TSPEAR: variants seen among roughly 807,000 people sequenced by gnomAD.
TSPEAR encodes the protein thrombospondin type laminin G domain and EAR repeats.
TSPEAR carries 69 observed loss-of-function variants against 71.6 expected under a neutral mutation model. The observed-to-expected ratio is 0.96, with a 90% CI of 0.79 to 1.18. TSPEAR has a LOEUF of 1.18. Ranked by LOEUF, TSPEAR falls within the 50% of genes most tolerant of loss-of-function variation. TSPEAR has a pLI of 0.00. For missense variants in TSPEAR, 971 were observed against 894.9 expected, an observed-to-expected ratio of 1.09 and a Z score of -1.09; for synonymous variants, 402 against 387.2, an observed-to-expected ratio of 1.04 and a Z score of -0.45.
intron 1 of TSPEAR, chr21:44,654,600 G>C: frequency 6.4e-7 from 1 of 1,573,048 alleles, no homozygotes; most frequent in Non-Finnish European, 8.6e-7. Context: ...CCGAAGAGTG[G>C]CTGGTGTGGC....
At chr21:44,597,750 G>T (rs587608674) in intron 1 of TSPEAR, among the ~76,000 whole-genome samples, 1 of 152,142 alleles carries the variant, frequency 6.6e-6, no homozygotes, top group Admixed American at 6.5e-5. Context: ...CTTGTATTCA[G>T]GCTCTGTATC....
intron 1 of TSPEAR, among the ~76,000 whole-genome samples, chr21:44,664,149 G>C (rs190734310): frequency 6.6e-6 from 1 of 152,038 alleles, no homozygotes; most frequent in Middle Eastern, 3.2e-3. Context: ...AAATAACACA[G>C]TCTCTATTAA....
intron 1 of TSPEAR, among the ~76,000 whole-genome samples, chr21:44,707,344 G>T (rs1203557029): frequency 6.6e-6 from 1 of 152,188 alleles, no homozygotes; most frequent in Non-Finnish European, 1.5e-5. Context: ...TCGGAAGGGT[G>T]AGGGGTAGTG....
chr21:44,575,743 A>C (rs1555923896), intron 1 of TSPEAR, among the ~76,000 whole-genome samples: 1 of 152,258 alleles, frequency 6.6e-6, no homozygotes, highest in African/African-American at 2.4e-5. Context: ...GTCTTCATCG[A>C]CATTGCCTAA....
intron 2 of TSPEAR, among the ~76,000 whole-genome samples, chr21:44,537,430 T>A (rs1201502508): frequency 6.6e-6 from 1 of 152,164 alleles, no homozygotes; most frequent in Admixed American, 6.5e-5. Context: ...ATAACATGGA[T>A]AAAACAGCTG....
chr21:44,541,925 C>T (rs1252992874), intron 2 of TSPEAR, among the ~76,000 whole-genome samples: 4 of 152,148 alleles, frequency 2.6e-5, no homozygotes, highest in African/African-American at 9.7e-5. Context: ...TAAAGTCCTT[C>T]ATGCAGTCAA....
At chr21:44,680,629 G>A (rs1025456498) in intron 1 of TSPEAR, among the ~76,000 whole-genome samples, 3 of 152,160 alleles carry the variant, frequency 2.0e-5, no homozygotes, top group Non-Finnish European at 4.4e-5. Context: ...CCAAGATACA[G>A]ATTCAACCTA....
intron 2 of TSPEAR, chr21:44,551,451 G>A: frequency 1.9e-6 from 3 of 1,609,690 alleles, no homozygotes; most frequent in Non-Finnish European, 2.5e-6. Context: ...CATGGTGGAG[G>A]CGGCCATGCT....
At position 44,573,412 on chromosome 21, in the gene TSPEAR, C is replaced by T. The variant is rs372338693; in HGVS notation, c.83-5407G>A. Among the ~76,000 whole-genome samples, 15 of 152,222 alleles carry T rather than the reference C, an allele frequency of 9.9e-5. No homozygotes were observed. In the East Asian group the frequency reaches 1.7e-3, roughly 18 times the overall value. ...CCCACTCCCCATAGCCCGGCACACA[C>T]GTGGACCATGCCACCCTCCACGTGC... is the stretch of plus-strand genomic sequence containing the variant. On this transcript the variant is annotated intron_variant, in intron 1 of 11. Coordinates refer to ENST00000323084, the MANE Select transcript of TSPEAR (RefSeq NM_144991.3).
chr21:44,674,061 G>C (rs1320679367), intron 1 of TSPEAR, among the ~76,000 whole-genome samples: 2 of 150,130 alleles, frequency 1.3e-5, no homozygotes, highest in African/African-American at 4.9e-5. Flanking sequence ...GAGGTGAGAT[G>C]ATCACTTGAG....
chr21:44,582,823 TTTTCTTCCTTCTTTC>T (rs375304838), intron 1 of TSPEAR, among the ~76,000 whole-genome samples: 4 of 129,566 alleles, frequency 3.1e-5, no homozygotes, highest in Non-Finnish European at 6.4e-5. Flanking sequence ...TCTTTCTTTC[TTTTCTTCCTTCTTTC>T]TTTCTTTTCT....
chr21:44,500,977 A>G (rs1426585126), intron 11 of TSPEAR, among the ~76,000 whole-genome samples: 1 of 152,218 alleles, frequency 6.6e-6, no homozygotes, highest in Non-Finnish European at 1.5e-5. Flanking sequence ...CTGAGGTTAT[A>G]CAACTGCCTT....
In TSPEAR at chr21:44,672,598, G is replaced by A. The variant is rs1986115108; in HGVS notation, c.82+38835C>T. Reference sequence around the variant, plus strand: ...ACAAAAAAAAAAGAAAACCTATTTAGCAAAATGATAGGTGAAAATTTCCCT... The same window carrying A: ...ACAAAAAAAAAAGAAAACCTATTTAACAAAATGATAGGTGAAAATTTCCCT... On this transcript the variant is annotated intron_variant, in intron 1 of 11. Transcript: ENST00000323084. 2.0e-5 allele frequency among the ~76,000 whole-genome samples: 3 copies of A among 152,024 alleles called. No individual in the cohort carries two copies. In the South Asian group the frequency reaches 6.2e-4, roughly 32 times the overall value.
chr21:44,678,046 G>C (rs1196504028), intron 1 of TSPEAR: 2 of 737,808 alleles, frequency 2.7e-6, no homozygotes, highest in Admixed American at 4.1e-5. Context: ...ACAACTCTGG[G>C]CCACAGCGGT....
chr21:44,568,882 T>TC (rs1555922145), intron 1 of TSPEAR, among the ~76,000 whole-genome samples: 1 of 152,120 alleles, frequency 6.6e-6, no homozygotes, highest in African/African-American at 2.4e-5. Context: ...GGGTGTTGGG[T>TC]CAGTCCACTC....
At chr21:44,706,287 AGCTGTGT>A (rs1303371611) in intron 1 of TSPEAR, among the ~76,000 whole-genome samples, 2 of 152,214 alleles carry the variant, frequency 1.3e-5, no homozygotes, top group African/African-American at 4.8e-5. Flanking sequence ...TCTTCCGCGC[AGCTGTGT>A]GTACACGCAT....
intron 1 of TSPEAR, among the ~76,000 whole-genome samples, chr21:44,667,997 ATTGGGAACAAAGC>A (rs1325121020): frequency 1.3e-5 from 2 of 152,224 alleles, no homozygotes; most frequent in African/African-American, 4.8e-5. Flanking sequence ...TTTCTCTAAT[ATTGGGAACAAAGC>A]CAGCATAGTA....
intron 1 of TSPEAR, among the ~76,000 whole-genome samples, chr21:44,649,746 C>T (rs1984662758): frequency 6.6e-6 from 1 of 152,216 alleles, no homozygotes. Context: ...TCGGGCCTTC[C>T]TGTGTGTGCA....
At chr21:44,537,041 A>G (rs941612233) in intron 2 of TSPEAR, among the ~76,000 whole-genome samples, 7 of 152,268 alleles carry the variant, frequency 4.6e-5, no homozygotes, top group Non-Finnish European at 8.8e-5. Flanking sequence ...GGAATTCTAA[A>G]TGGAACTATT....
Sources: gnomAD v4.1 joint callset for allele counts (sites outside exome capture counted in the v4.1 genomes callset) on GRCh38, gnomAD v4.1.1 for gene constraint, MANE v1.5 for transcripts, NCBI Gene and HGNC (gene_info 2026-07-23, HGNC 2026-07-21) for gene names.